CDH26: variants seen among roughly 807,000 people sequenced by gnomAD.
CDH26 encodes cadherin 26.
CDH26 carries 83 observed loss-of-function variants against 90.3 expected under a neutral mutation model. That is an observed-to-expected ratio of 0.92 (90% CI 0.77 to 1.10). The LOEUF (loss-of-function observed/expected upper bound fraction) is 1.10, where lower values mean the gene tolerates loss of function less well. CDH26 is among the 50% of genes least tolerant of loss of function. The pLI, the probability that CDH26 is intolerant of heterozygous loss-of-function variation, is 0.00. For missense variants in CDH26, 1,013 were observed against 1,037.6 expected, an observed-to-expected ratio of 0.98 and a Z score of 0.33; for synonymous variants, 397 against 396.3, an observed-to-expected ratio of 1.00 and a Z score of -0.02.
At position 60,001,349 on chromosome 20, in the gene CDH26, G is replaced by T; in HGVS notation, c.2104G>T (p.Glu702Ter). Residue 702 changes from glutamate (E) to a stop codon, truncating the protein, a stop_gained, in exon 15 of 18, where the codon GAG (glutamate) becomes TAG (stop). Transcript: ENST00000348616. LOFTEE classifies it high-confidence loss of function. ...ATCAGCATTTTCCCTCTAGGATCTC[G>T]AGGAAGTGCCTCCATCTGCAGCGAG... Reference protein sequence around the residue: ...AGPTQGVKDLEEVPPSAASQS... With the variant: ...AGPTQGVKDL The T allele has an allele frequency of 6.2e-7, 1 of 1,613,948 alleles. No individual in the cohort carries two copies. Among genetic ancestry groups the T allele is most frequent in the Admixed American group, 1.7e-5 (1 of 60,020 alleles).
chr20:60,012,710 G>C lies in CDH26; in HGVS notation c.2479G>C (p.Glu827Gln). ...KATPFEEIYS[E>Q]SGVPS ...GACTCCGTTTGAGGAAATATATTCAGAGTCAGGTGTTCCTTCCTAAAAAAA... is the reference window on the plus strand; with the variant it reads ...GACTCCGTTTGAGGAAATATATTCACAGTCAGGTGTTCCTTCCTAAAAAAA... The change falls in exon 18 of 18, where the codon GAG becomes CAG. Residue 827 changes from glutamate (E) to glutamine (Q), a missense_variant. Coordinates refer to ENST00000348616, the MANE Select transcript of CDH26 (RefSeq NM_177980.4). 2 of 1,613,738 alleles carry C rather than the reference G, an allele frequency of 1.2e-6. No individual in the cohort carries two copies. The highest frequency in any genetic ancestry group is 1.7e-6 in the Non-Finnish European group (2 of 1,179,924).
intron 11 of CDH26, among the ~76,000 whole-genome samples, chr20:59,995,495 A>G (rs1429575255): frequency 2.0e-5 from 3 of 152,174 alleles, no homozygotes; most frequent in African/African-American, 7.2e-5. Context: ...AAGCTCTGCT[A>G]CTGGTGCTTT....
downstream of CDH26, among the ~76,000 whole-genome samples, chr20:60,035,735 C>G (rs1433550280): frequency 6.6e-6 from 1 of 152,062 alleles, no homozygotes; most frequent in Admixed American, 6.6e-5. Flanking sequence ...CCATGCTGTT[C>G]TTATGATAAT....
chr20:59,978,362 C>T (rs934361882), intron 4 of CDH26, among the ~76,000 whole-genome samples: 2 of 151,732 alleles, frequency 1.3e-5, no homozygotes, highest in Non-Finnish European at 2.9e-5. Flanking sequence ...ATGAGAGTTC[C>T]TATTATTTAT....
At chr20:59,981,756 A>G (rs556765501) in intron 4 of CDH26, among the ~76,000 whole-genome samples, 30 of 152,246 alleles carry the variant, frequency 2.0e-4, no homozygotes, top group Admixed American at 1.6e-3. Flanking sequence ...ACTTTGTATT[A>G]TGGTAATATT....
intron 7 of CDH26, among the ~76,000 whole-genome samples, chr20:60,023,414 A>G (rs192025505): frequency 1.3e-5 from 2 of 152,352 alleles, no homozygotes; most frequent in Admixed American, 1.3e-4. Context: ...TTCAGGCGGC[A>G]GGGGCTCAAA....
At chr20:60,003,090 G>A (rs1338830114) in intron 16 of CDH26, among the ~76,000 whole-genome samples, 1 of 152,170 alleles carries the variant, frequency 6.6e-6, no homozygotes, top group Non-Finnish European at 1.5e-5. Flanking sequence ...TTCAGTCCCT[G>A]GCAAATTTCT....
chr20:60,012,824 A>G lies in CDH26; in HGVS notation c.*94A>G. ...CTTTGCTCTTCTTTTCCCTCCTTAA[A>G]AGAAAAATTACCTTCTAGTCCTAGG... On this transcript the variant is annotated 3_prime_UTR_variant, in exon 18 of 18. Coordinates refer to ENST00000348616, the MANE Select transcript of CDH26 (RefSeq NM_177980.4). 8 of 1,159,314 alleles carry G rather than the reference A, an allele frequency of 6.9e-6. No homozygotes were observed. The South Asian group carries it at 1.2e-4, about 17-fold the overall frequency. 71.8% of individuals were successfully genotyped at this position (1,159,314 alleles called of 1,614,324 possible).
chr20:59,987,755 AT>A, intron 8 of CDH26, 117 bp downstream of exon 8: 1 of 850,888 alleles, frequency 1.2e-6, no homozygotes, highest in Non-Finnish European at 1.7e-6. Flanking sequence ...TGCTGAGCCC[AT>A]TACGTACCAC....
chr20:59,985,618 C>T (rs2061447810), intron 7 of CDH26, among the ~76,000 whole-genome samples: 1 of 152,144 alleles, frequency 6.6e-6, no homozygotes, highest in Non-Finnish European at 1.5e-5. Flanking sequence ...CACTGGGGAT[C>T]ACATTTCAGC....
intron 1 of CDH26, among the ~76,000 whole-genome samples, chr20:59,960,530 T>A (rs922800691): frequency 3.3e-5 from 5 of 152,174 alleles, no homozygotes; most frequent in Non-Finnish European, 5.9e-5. Flanking sequence ...AATAACAACT[T>A]TGCACAAAGG....
chr20:60,018,720 T>A, downstream of CDH26, among the ~76,000 whole-genome samples: 1 of 137,462 alleles, frequency 7.3e-6, no homozygotes, highest in Admixed American at 7.4e-5. Context: ...TTTTTTTTTT[T>A]TTTTTTTTTT....
intron 16 of CDH26, among the ~76,000 whole-genome samples, chr20:60,003,841 T>A (rs1428408448): frequency 6.6e-6 from 1 of 152,122 alleles, no homozygotes; most frequent in Non-Finnish European, 1.5e-5. Flanking sequence ...GGAGAGATAG[T>A]GCTCTCTCAG....
chr20:60,021,916 A>ATATATATATATATC lies in CDH26; in HGVS notation c.948-9314_948-9313insATATATATATATCT, dbSNP rs1261005381. 1.4e-3 allele frequency among the ~76,000 whole-genome samples: 135 copies of ATATATATATATATC among 96,008 alleles called. 6 individuals are homozygous for ATATATATATATATC. Among genetic ancestry groups the ATATATATATATATC allele is most frequent in the South Asian group, 0.011 (34 of 3,026 alleles). The allele number at this position is 96,008 out of a possible 152,430, so 63.0% of individuals were successfully genotyped here. On this transcript the variant is annotated intron_variant, in intron 7 of 8. Transcript: ENST00000370991. ...CACACACATATATATATATATATAT[A>ATATATATATATATC]TCCTGACTATTTTCATAGGCCTTTC...
intron 17 of CDH26, among the ~76,000 whole-genome samples, chr20:60,008,653 T>C (rs796133420): frequency 1.4e-4 from 21 of 152,258 alleles, no homozygotes; most frequent in African/African-American, 5.1e-4. Context: ...CCTGAGGAAG[T>C]GAGCCCAGAC....
At chr20:59,998,594 C>T (rs2061633031) in intron 13 of CDH26, among the ~76,000 whole-genome samples, 1 of 152,326 alleles carries the variant, frequency 6.6e-6, no homozygotes, top group African/African-American at 2.4e-5. Flanking sequence ...AAATCTTTCT[C>T]TTGTTTCCCA....
At chr20:60,021,961 C>G (rs2061962404) in intron 7 of CDH26, among the ~76,000 whole-genome samples, 2 of 147,024 alleles carry the variant, frequency 1.4e-5, no homozygotes, top group Non-Finnish European at 3.0e-5. Flanking sequence ...ATTATAGTGT[C>G]CAGTGAAGAA....
intron 4 of CDH26, among the ~76,000 whole-genome samples, chr20:59,979,468 A>T (rs1431065422): frequency 6.6e-6 from 1 of 152,014 alleles, no homozygotes; most frequent in African/African-American, 2.4e-5. Flanking sequence ...AAGTGCTGGG[A>T]TTACAGGCGT....
chr20:59,992,376 A>G lies in CDH26; in HGVS notation c.1284-2A>G. ...AATTGCTGTCCGTTTTCCTTCTACAAGATATGAACTGGTTCATGACCCAGC... is the reference window on the plus strand; with the variant it reads ...AATTGCTGTCCGTTTTCCTTCTACAGGATATGAACTGGTTCATGACCCAGC... On this transcript the variant is annotated splice_acceptor_variant, in intron 9 of 17. Coordinates refer to ENST00000348616, the MANE Select transcript of CDH26 (RefSeq NM_177980.4). LOFTEE classifies it high-confidence loss of function. This position sits in a 1 kb window ranked among gnomAD's most constrained non-coding sequence, Gnocchi z 5.0. 1 of 1,606,564 alleles carries G rather than the reference A, an allele frequency of 6.2e-7. No individual in the cohort carries two copies. Among genetic ancestry groups the G allele is most frequent in the Non-Finnish European group, 8.5e-7 (1 of 1,177,966 alleles).
Sources: gnomAD v4.1 joint callset for allele counts (sites outside exome capture counted in the v4.1 genomes callset) on GRCh38, gnomAD v4.1.1 for gene constraint, Gnocchi (gnomAD v3.1) non-coding constraint, MANE v1.5 for transcripts, NCBI Gene and HGNC (gene_info 2026-07-23, HGNC 2026-07-21) for gene names.